The following MED13L variants were observed in gnomAD, a reference collection of about 807,000 sequenced individuals.
MED13L encodes the protein mediator of RNA polymerase II transcription subunit 13-like.
In MED13L, 7 loss-of-function variants were observed where a neutral mutation model predicts 220.9. The observed-to-expected ratio is 0.03, with a 90% CI of 0.02 to 0.06. MED13L has a LOEUF of 0.06. MED13L is among the 10% of genes least tolerant of loss of function. MED13L has a pLI of 1.00. For missense variants in MED13L, 1,965 were observed against 2,760.5 expected (o/e 0.71, Z 6.46); for synonymous variants, 1,011 against 1,015.2 (o/e 1.00, Z 0.08).
chr12:116,259,005 T>C (rs571141947), intron 1 of MED13L, among the ~76,000 whole-genome samples: 2 of 151,820 alleles, frequency 1.3e-5, no homozygotes, highest in Admixed American at 1.3e-4. Context: ...TTATATATTG[T>C]CCATAGAAAT....
intron 4 of MED13L, among the ~76,000 whole-genome samples, chr12:116,069,780 G>C (rs1047635598): frequency 6.6e-6 from 1 of 152,024 alleles, no homozygotes; most frequent in South Asian, 2.1e-4. Flanking sequence ...CAAAACAGTC[G>C]AAACTGTTTA....
intron 4 of MED13L, among the ~76,000 whole-genome samples, chr12:116,025,705 C>T (rs925180736): frequency 6.6e-6 from 1 of 152,036 alleles, no homozygotes; most frequent in Admixed American, 6.6e-5. Context: ...AACAGAATTG[C>T]CATTATCAGA....
intron 4 of MED13L, among the ~76,000 whole-genome samples, chr12:116,058,124 A>G (rs1178343329): frequency 6.6e-6 from 1 of 152,190 alleles, no homozygotes; most frequent in Non-Finnish European, 1.5e-5. Flanking sequence ...GACATCAAAC[A>G]TACTTTCTTC....
At chr12:116,161,888 T>C (rs11067928) in intron 2 of MED13L, among the ~76,000 whole-genome samples, 10,030 of 152,248 alleles carry the variant, frequency 0.066, 531 homozygotes, top group African/African-American at 0.14. Context: ...CTCTATCACC[T>C]TTACTCACTG....
At chr12:115,976,085 A>G (rs529147344) in intron 23 of MED13L, among the ~76,000 whole-genome samples, 1 of 152,226 alleles carries the variant, frequency 6.6e-6, no homozygotes, top group Non-Finnish European at 1.5e-5. Context: ...AAAATAAAAA[A>G]AGAGAAAATA....
At chr12:116,140,126 A>G (rs1375184336) in intron 2 of MED13L, among the ~76,000 whole-genome samples, 2 of 152,174 alleles carry the variant, frequency 1.3e-5, no homozygotes, top group African/African-American at 4.8e-5. Context: ...AAATCTGCAT[A>G]AAGTGAACAA....
chr12:116,275,453 ATGTCTT>A (rs1377861625), intron 1 of MED13L, among the ~76,000 whole-genome samples: 3 of 152,202 alleles, frequency 2.0e-5, no homozygotes, highest in Non-Finnish European at 4.4e-5. Flanking sequence ...CAATGATACT[ATGTCTT>A]TGTAGGTAAA....
chr12:116,188,528 G>A (rs1881047959), intron 2 of MED13L, among the ~76,000 whole-genome samples: 1 of 152,176 alleles, frequency 6.6e-6, no homozygotes, highest in Non-Finnish European at 1.5e-5. Flanking sequence ...TAGTTTGTGT[G>A]AGATAGTCAG....
intron 2 of MED13L, chr12:116,236,789 T>C (rs751229100): frequency 2.0e-4 from 185 of 938,276 alleles, no homozygotes; most frequent in Non-Finnish European, 2.2e-4. Flanking sequence ...GTGGTAAATA[T>C]ATAAAGCAGC....
intron 2 of MED13L, among the ~76,000 whole-genome samples, chr12:116,144,280 G>C (rs941577938): frequency 4.6e-5 from 7 of 152,180 alleles, no homozygotes; most frequent in Admixed American, 2.6e-4. Context: ...TTTTGGATGA[G>C]AAGTAAGGGT....
chr12:116,078,300 A>G (rs868618776), intron 4 of MED13L, among the ~76,000 whole-genome samples: 2 of 152,202 alleles, frequency 1.3e-5, no homozygotes, highest in African/African-American at 2.4e-5. Flanking sequence ...AATTATTTTA[A>G]CACTTTATAA....
intron 4 of MED13L, among the ~76,000 whole-genome samples, chr12:116,031,735 GAAAAGAAAAGAAAAGAA>G (rs1232315957): frequency 1.6e-5 from 1 of 64,022 alleles, no homozygotes; most frequent in African/African-American, 9.2e-5. Flanking sequence ...GAAAAGAAAA[GAAAAGAAAAGAAAAGAA>G]AAGAAAAGAA....
intron 2 of MED13L, among the ~76,000 whole-genome samples, chr12:116,162,250 T>C (rs1878912821): frequency 6.6e-6 from 1 of 152,210 alleles, no homozygotes; most frequent in Non-Finnish European, 1.5e-5. Flanking sequence ...ATCAGCTTAT[T>C]TTCCCCATTG....
At chr12:116,185,818 T>C (rs1229366773) in intron 2 of MED13L, among the ~76,000 whole-genome samples, 1 of 151,998 alleles carries the variant, frequency 6.6e-6, no homozygotes, top group Non-Finnish European at 1.5e-5. Context: ...CTCAGCCTCC[T>C]GAGTAGCTGG....
intron 4 of MED13L, among the ~76,000 whole-genome samples, chr12:116,095,754 T>C (rs900179942): frequency 2.0e-5 from 3 of 152,232 alleles, no homozygotes; most frequent in African/African-American, 7.2e-5. Flanking sequence ...CATCAACTTA[T>C]GATTCCAACT....
intron 2 of MED13L, among the ~76,000 whole-genome samples, chr12:116,221,510 T>C (rs1868437148): frequency 6.6e-6 from 1 of 152,176 alleles, no homozygotes; most frequent in East Asian, 1.9e-4. Flanking sequence ...CAATGCCTAG[T>C]ACCTATGAAC....
intron 2 of MED13L, among the ~76,000 whole-genome samples, chr12:116,144,879 C>T (rs1175270795): frequency 1.3e-5 from 2 of 152,174 alleles, no homozygotes; most frequent in Admixed American, 6.5e-5. Context: ...TATGCTACAA[C>T]ACCGCTTCAA....
chr12:116,073,846 T>C (rs1870576011), intron 4 of MED13L, among the ~76,000 whole-genome samples: 1 of 152,184 alleles, frequency 6.6e-6, no homozygotes, highest in South Asian at 2.1e-4. Context: ...TTTCTCTAAA[T>C]ACAAATTCAA....
rs751492385 is a variant in MED13L at position 116,008,608 on chromosome 12, A to G, written c.1805T>C (p.Val602Ala). The change falls in exon 10 of 31, where the codon GTA becomes GCA. Residue 602 changes from valine (V) to alanine (A), a missense_variant. Physicochemically the swap from Val to Ala is moderately conservative, Grantham distance 64. This residue lies in a region of MED13L where 818 missense variants were observed against 1,041.2 expected (regional missense o/e 0.79). Transcript: ENST00000281928. ...TGCCATGAGAGGCAGTCTTTGGCCT[A>G]CGAGGACAGTTCTGTCATCCAGAGT... The part of the protein sequence containing the change: ...LSTLDDRTVL[V>A]GQRLPLMAEV... The G allele has an allele frequency of 3.1e-6, 5 of 1,614,096 alleles. No homozygotes were observed. In the South Asian group the frequency reaches 5.5e-5, roughly 18 times the overall value.
Sources: gnomAD v4.1 joint callset for allele counts (sites outside exome capture counted in the v4.1 genomes callset) on GRCh38, gnomAD v4.1.1 for gene constraint, gnomAD v4.1.1 regional missense constraint, MANE v1.5 for transcripts, NCBI Gene and HGNC (gene_info 2026-07-23, HGNC 2026-07-21) for gene names.